Variants in TTYH1 observed in about 807,000 individuals in gnomAD.
TTYH1 encodes tweety family member 1.
A neutral mutation model predicts 61.2 loss-of-function variants in TTYH1; 33 were observed. That is an observed-to-expected ratio of 0.54 (90% CI 0.41 to 0.72). The LOEUF (loss-of-function observed/expected upper bound fraction) is 0.72. Among genes scored for constraint, TTYH1 ranks in the 30% least tolerant of loss-of-function variants. The probability of loss-of-function intolerance (pLI) is 0.00; values close to 1 mark genes in which losing one functional copy is unlikely to be tolerated. For missense variants in TTYH1, 538 were observed against 575.8 expected, an observed-to-expected ratio of 0.93 and a Z score of 0.67; for synonymous variants, 308 against 266.4, an observed-to-expected ratio of 1.16 and a Z score of -1.52.
At chr19:54,431,336 T>C (rs764970589) in intron 10 of TTYH1, 145 bp downstream of exon 10, 2 of 632,488 alleles carry the variant, frequency 3.2e-6, no homozygotes, top group Non-Finnish European at 5.7e-6. Context: ...ATCTGTCCTA[T>C]ATCTATTCTC....
Position 54,419,255 on chromosome 19 carries a change from C to T in TTYH1, c.254C>T (p.Pro85Leu), listed in dbSNP as rs564798025. 2.2e-5 allele frequency: 36 copies of T among 1,607,208 alleles called. No homozygotes were observed. The East Asian group carries it at 6.9e-4, about 31-fold the overall frequency. ...PEPPGSKIPS[P>L]GGGCVTWSCI... ...CCCCCCGGGTCCAAGATCCCCTCGC[C>T]CGGGGGAGGCTGCGTCACCTGGAGC... Residue 85 changes from proline to leucine, a missense_variant, in exon 2 of 14, where the codon CCC becomes CTC. Physicochemically the swap from Pro to Leu is moderately conservative, Grantham distance 98. Around this residue, in one of 3 missense-constraint regions of TTYH1, gnomAD observed 157 missense variants for 157.0 expected, o/e 1.00. Coordinates refer to ENST00000376530, the MANE Select transcript of TTYH1 (RefSeq NM_020659.4). This position sits in a 1 kb window ranked among gnomAD's most constrained non-coding sequence, Gnocchi z 6.1.
At position 54,416,183 on chromosome 19, in the gene TTYH1, G is replaced by C; in HGVS notation, c.126+505G>C. ...GATTGAGAGTCTGAAATGGGGAAGG[G>C]GGCTTCAGGGGCTGAGGACCAGGGC... is the stretch of plus-strand genomic sequence containing the variant. On this transcript the variant is annotated intron_variant, in intron 1 of 13. Coordinates refer to ENST00000376530, the MANE Select transcript of TTYH1 (RefSeq NM_020659.4). The surrounding 1 kb of genome is among the most constrained non-coding windows in gnomAD (Gnocchi z 7.0). 1 of 706,866 alleles carries C rather than the reference G, an allele frequency of 1.4e-6. No individual in the cohort carries two copies. The highest frequency in any genetic ancestry group is 1.5e-5 in the South Asian group (1 of 65,874). 43.8% of individuals were successfully genotyped at this position (706,866 alleles called of 1,614,324 possible).
rs984419340 is a variant in TTYH1 at position 54,421,206 on chromosome 19, G to A, written c.306-71G>A. On this transcript the variant is annotated intron_variant, in intron 2 of 13. Transcript: ENST00000376530. The surrounding 1 kb of genome is among the most constrained non-coding windows in gnomAD (Gnocchi z 4.8). ...ATAAGAAGGCGAGGTGGAGGGGATG[G>A]GGTGGGAGGGGACGGTGGCCCCCGG... 14 of 956,094 alleles carry A rather than the reference G, an allele frequency of 1.5e-5. No individual in the cohort carries two copies. The highest frequency in any genetic ancestry group is 2.0e-5 in the Non-Finnish European group (12 of 593,436). 59.2% of individuals were successfully genotyped at this position (956,094 alleles called of 1,614,324 possible).
Position 54,429,050 on chromosome 19 carries a change from C to T in TTYH1, c.735-257C>T, listed in dbSNP as rs1028567269. Among the ~76,000 whole-genome samples, 2 of 152,064 alleles carry T rather than the reference C, an allele frequency of 1.3e-5. No homozygotes were observed. The highest frequency in any genetic ancestry group is 4.8e-5 in the African/African-American group (2 of 41,402). Reference sequence around the variant, plus strand: ...CGTCCCAGGGTCCTGGAGCTGGGATCCAAGCTGCGACCACCCAGCCCAGGG... The same window carrying T: ...CGTCCCAGGGTCCTGGAGCTGGGATTCAAGCTGCGACCACCCAGCCCAGGG... On this transcript the variant is annotated intron_variant, in intron 5 of 13. Transcript: ENST00000376530. This position sits in a 1 kb window ranked among gnomAD's most constrained non-coding sequence, Gnocchi z 5.1.
chr19:54,422,474 G>T (rs2122882509), intron 4 of TTYH1, 64 bp downstream of exon 4: 6 of 1,384,228 alleles, frequency 4.3e-6, no homozygotes, highest in Non-Finnish European at 5.8e-6. Context: ...CGGGGGGACA[G>T]TTGGCAATGC....
intron 8 of TTYH1, 55 bp from the exon 9 acceptor site, chr19:54,430,758 G>A (rs952192338): frequency 1.1e-5 from 17 of 1,593,446 alleles, no homozygotes; most frequent in Non-Finnish European, 1.5e-5. Flanking sequence ...GGAGAGGAGA[G>A]AGGGCCGGGG....
At chr19:54,430,711 G>A (rs1599911495) in intron 8 of TTYH1, 102 bp from the exon 9 acceptor site, 1 of 1,580,126 alleles carries the variant, frequency 6.3e-7, no homozygotes, top group South Asian at 1.1e-5. Flanking sequence ...GGGTTCCGGG[G>A]AGGATGCAGG....
chr19:54,420,995 G>A lies in TTYH1; in HGVS notation c.306-282G>A, dbSNP rs1303374349. Among the ~76,000 whole-genome samples the A allele has an allele frequency of 2.0e-5, 3 of 152,080 alleles. No individual in the cohort carries two copies. Among genetic ancestry groups the A allele is most frequent in the Non-Finnish European group, 2.9e-5 (2 of 67,996 alleles). ...GGTGTGACTGGGGTTCTGCTCCAGG[G>A]AGGTGCGAGTTAAATCGGGGGCTCC... On this transcript the variant is annotated intron_variant, in intron 2 of 13. Transcript: ENST00000376530. This position sits in a 1 kb window ranked among gnomAD's most constrained non-coding sequence, Gnocchi z 4.8.
intron 5 of TTYH1, among the ~76,000 whole-genome samples, chr19:54,428,535 G>T (rs79908029): frequency 3.9e-5 from 6 of 152,004 alleles, no homozygotes; most frequent in African/African-American, 1.4e-4. Flanking sequence ...CCTTCTCCCT[G>T]TTTAACAGAG....
Position 54,416,097 on chromosome 19 carries a change from G to C in TTYH1, c.126+419G>C. The C allele has an allele frequency of 3.1e-6, 4 of 1,302,202 alleles. No individual in the cohort carries two copies. Among genetic ancestry groups the C allele is most frequent in the Non-Finnish European group, 4.1e-6 (4 of 987,066 alleles). 80.7% of individuals were successfully genotyped at this position (1,302,202 alleles called of 1,614,324 possible). The stretch of plus-strand genomic sequence containing the variant: ...TATGTCCCAGATAAGGTGGGACCCA[G>C]GAGACAGCGGACCTGATAACGGTGG... On this transcript the variant is annotated intron_variant, in intron 1 of 13. Coordinates refer to ENST00000376530, the MANE Select transcript of TTYH1 (RefSeq NM_020659.4). The surrounding 1 kb of genome is among the most constrained non-coding windows in gnomAD (Gnocchi z 7.0).
chr19:54,419,668 C>T lies in TTYH1; in HGVS notation c.305+362C>T. ...TCCACATCTGTAAACTGGGCATTATCATCTCGCCCACCTCCTGCGGGGGTA... is the reference window on the plus strand; with the variant it reads ...TCCACATCTGTAAACTGGGCATTATTATCTCGCCCACCTCCTGCGGGGGTA... On this transcript the variant is annotated intron_variant, in intron 2 of 13. Transcript: ENST00000376530. The surrounding 1 kb of genome is among the most constrained non-coding windows in gnomAD (Gnocchi z 6.1). 1.9e-6 allele frequency: 1 copy of T among 515,810 alleles called. No homozygotes were observed. Among genetic ancestry groups the T allele is most frequent in the Non-Finnish European group, 3.8e-6 (1 of 265,862 alleles). 32.0% of individuals were successfully genotyped at this position (515,810 alleles called of 1,614,324 possible).
chr19:54,422,166 C>A, intron 3 of TTYH1, 24 bp from the exon 4 acceptor site: 1 of 1,533,914 alleles, frequency 6.5e-7, no homozygotes, highest in Non-Finnish European at 8.8e-7. Context: ...TCCTTCCAGA[C>A]CTCAGCCCCT....
rs1307724560 is a variant in TTYH1, at chr19:54,421,550, C to T, written c.417+162C>T. On this transcript the variant is annotated intron_variant, in intron 3 of 13. Transcript: ENST00000376530. The surrounding 1 kb of genome is among the most constrained non-coding windows in gnomAD (Gnocchi z 4.8). ...AGACCCACAGACCTCAGACTATCCA[C>T]CCAACCCCCGACCCTGGCTGCAAAT... Among the ~76,000 whole-genome samples the T allele has an allele frequency of 6.6e-6, 1 of 152,016 alleles. No individual in the cohort carries two copies. The highest frequency in any genetic ancestry group is 1.5e-5 in the Non-Finnish European group (1 of 67,988).
chr19:54,430,733 A>G, intron 8 of TTYH1, 80 bp from the exon 9 acceptor site: 1 of 1,581,240 alleles, frequency 6.3e-7, no homozygotes, highest in Non-Finnish European at 8.7e-7. Flanking sequence ...CAGGGGCCCG[A>G]GTGCTGTGTC....
intron 7 of TTYH1, among the ~76,000 whole-genome samples, chr19:54,430,220 A>G (rs1211748689): frequency 6.6e-6 from 1 of 152,182 alleles, no homozygotes; most frequent in East Asian, 1.9e-4. Flanking sequence ...AGGGCAGGAT[A>G]AAGATAATGG....
Position 54,419,669 on chromosome 19 carries a change from A to C in TTYH1, c.305+363A>C. On this transcript the variant is annotated intron_variant, in intron 2 of 13. Transcript: ENST00000376530. This position sits in a 1 kb window ranked among gnomAD's most constrained non-coding sequence, Gnocchi z 6.1. The stretch of plus-strand genomic sequence containing the variant: ...CCACATCTGTAAACTGGGCATTATC[A>C]TCTCGCCCACCTCCTGCGGGGGTAA... The C allele has an allele frequency of 2.0e-6, 1 of 510,006 alleles. No homozygotes were observed. The highest frequency in any genetic ancestry group is 1.6e-5 in the South Asian group (1 of 61,392). 31.6% of individuals were successfully genotyped at this position (510,006 alleles called of 1,614,324 possible).
Position 54,428,096 on chromosome 19 carries a change from T to TTG in TTYH1, c.735-1210_735-1209insGT, listed in dbSNP as rs1294377702. ...CCGGCTAAGTTTTTTTTTTTTTTTT[T>TTG]TTTTTTTTTTGAGCTGCAATTTGGC... On this transcript the variant is annotated intron_variant, in intron 5 of 13. Coordinates refer to ENST00000376530, the MANE Select transcript of TTYH1 (RefSeq NM_020659.4). Among the ~76,000 whole-genome samples, 178 of 142,416 alleles carry TTG rather than the reference T, an allele frequency of 1.2e-3. 2 individuals carry two copies. The highest frequency in any genetic ancestry group is 4.5e-3 in the African/African-American group (171 of 38,110). 93.4% of individuals were successfully genotyped at this position (142,416 alleles called of 152,430 possible).
chr19:54,430,411 C>A, intron 7 of TTYH1, 139 bp from the exon 8 acceptor site: 1 of 893,662 alleles, frequency 1.1e-6, no homozygotes, highest in African/African-American at 1.7e-5. Flanking sequence ...GCTGGCGGGT[C>A]TCTGAAGGTA....
Position 54,436,021 on chromosome 19 carries a change from G to C in TTYH1, c.1315-70G>C. The C allele has an allele frequency of 6.3e-7, 1 of 1,584,552 alleles. No homozygotes were observed. The highest frequency in any genetic ancestry group is 8.7e-7 in the Non-Finnish European group (1 of 1,154,554). On this transcript the variant is annotated intron_variant, in intron 12 of 13. Coordinates refer to ENST00000376530, the MANE Select transcript of TTYH1 (RefSeq NM_020659.4). This position sits in a 1 kb window ranked among gnomAD's most constrained non-coding sequence, Gnocchi z 4.3. ...CTGGGTCTGAGGGAGGAGGGGCTGG[G>C]GTCCCACAGTACAAAGCCAATTCCC...
Sources: allele counts gnomAD v4.1 joint callset (sites outside exome capture counted in the v4.1 genomes callset), GRCh38; gene constraint gnomAD v4.1.1; regional missense constraint gnomAD v4.1.1; non-coding constraint Gnocchi (gnomAD v3.1); transcripts MANE v1.5; gene names NCBI Gene and HGNC (gene_info 2026-07-23, HGNC 2026-07-21).